Variants in SOCS7 observed in about 807,000 individuals in gnomAD.
The protein encoded by SOCS7 is NAP-4.
A neutral mutation model predicts 58.9 loss-of-function variants in SOCS7; 18 were observed. That is an observed-to-expected ratio of 0.31 (90% confidence interval 0.21 to 0.45). SOCS7 has a LOEUF of 0.45. Ranked by LOEUF, SOCS7 falls within the 20% of genes least tolerant of loss-of-function variation. The probability of loss-of-function intolerance (pLI) is 1.00; values close to 1 mark genes in which losing one functional copy is unlikely to be tolerated. For missense variants in SOCS7, 667 were observed against 837.3 expected, an observed-to-expected ratio of 0.80 and a Z score of 2.51; for synonymous variants, 388 against 364.3, an observed-to-expected ratio of 1.06 and a Z score of -0.74.
intron 7 of SOCS7, among the ~76,000 whole-genome samples, chr17:38,379,434 G>T (rs1178632448): frequency 6.6e-6 from 1 of 151,944 alleles, no homozygotes; most frequent in African/African-American, 2.4e-5. Context: ...AGCTGAGATT[G>T]CGCCATTGCA....
rs1269515665 is a variant in SOCS7 at position 38,387,133 on chromosome 17, G to GTGTATATATATATA, written c.1682-8175_1682-8174insGTATATATATATAT. ...TATATATATATATATATATATGTAT[G>GTGTATATATATATA]TATATATATATATATATATGATTAA... On this transcript the variant is annotated intron_variant, in intron 7 of 9. Coordinates refer to ENST00000612932, the MANE Select transcript of SOCS7 (RefSeq NM_014598.4). Among the ~76,000 whole-genome samples the GTGTATATATATATA allele has an allele frequency of 1.5e-4, 11 of 73,482 alleles. 2 individuals are homozygous for GTGTATATATATATA. The highest frequency in any genetic ancestry group is 7.7e-4 in the African/African-American group (11 of 14,280). The allele number at this position is 73,482 out of a possible 152,430, so 48.2% of individuals were successfully genotyped here. A position where few individuals can be genotyped will look rare whatever the true frequency, so the allele number is the denominator to read the frequency against.
At chr17:38,396,065 C>A in intron 9 of SOCS7, 67 bp downstream of exon 9, 2 of 1,324,034 alleles carry the variant, frequency 1.5e-6, no homozygotes, top group Non-Finnish European at 2.0e-6. Context: ...TGCATTGAGC[C>A]TTGGGCCCCC....
rs1396877702 is a variant in SOCS7 at position 38,352,305 on chromosome 17, C to G, written c.253C>G (p.Pro85Ala). ...GGAGGACGTGGAGGCGGCCCCGGAGCCGGGACCCTCGGAACTGCTGTGTCC... is the reference window on the plus strand; with the variant it reads ...GGAGGACGTGGAGGCGGCCCCGGAGGCGGGACCCTCGGAACTGCTGTGTCC... ...EEEDVEAAPE[P>A]GPSELLCPRH... is the part of the protein sequence containing the mutation. Residue 85 changes from proline to alanine, a missense_variant, in exon 1 of 10, where the codon CCG becomes GCG. By Grantham distance (27) the Pro-to-Ala change is conservative (BLOSUM62 -1). Coordinates refer to ENST00000612932, the MANE Select transcript of SOCS7 (RefSeq NM_014598.4). The surrounding 1 kb of genome is among the most constrained non-coding windows in gnomAD (Gnocchi z 5.5). The G allele has an allele frequency of 1.5e-5, 23 of 1,486,804 alleles. 1 individual carries two copies. Among genetic ancestry groups the G allele is most frequent in the Non-Finnish European group, 2.0e-5 (23 of 1,128,830 alleles). 92.1% of individuals were successfully genotyped at this position (1,486,804 alleles called of 1,614,324 possible).
At chr17:38,389,325 G>T (rs1472659244) in intron 7 of SOCS7, among the ~76,000 whole-genome samples, 1 of 152,184 alleles carries the variant, frequency 6.6e-6, no homozygotes, top group Non-Finnish European at 1.5e-5. Context: ...GGAGGCCAGG[G>T]CAGGAGGATT....
At chr17:38,389,742 G>A (rs2038125888) in intron 7 of SOCS7, among the ~76,000 whole-genome samples, 1 of 145,232 alleles carries the variant, frequency 6.9e-6, no homozygotes, top group Non-Finnish European at 1.5e-5. Context: ...CTAACCAAAG[G>A]TGATGGAGCT....
chr17:38,362,152 A>T (rs1199349077), intron 2 of SOCS7, among the ~76,000 whole-genome samples: 1 of 152,200 alleles, frequency 6.6e-6, no homozygotes, highest in Admixed American at 6.5e-5. Flanking sequence ...AAGGGAGTTC[A>T]TGGGTTATCT....
chr17:38,365,399 C>G lies in SOCS7; in HGVS notation c.1242C>G (p.Pro414=), dbSNP rs769962522. Residue 414 remains proline, a synonymous_variant, in exon 4 of 10, where the codon CCC becomes CCG. Transcript: ENST00000612932. ...QSFPLPPPPP[P]HAPDAFPRIA... is the part of the protein sequence containing the mutation. ...TCCCCCTACCTCCGCCTCCTCCACC[C>G]CATGCCCCAGGTTAGCTTAGTTTAG... 6.2e-7 allele frequency: 1 copy of G among 1,610,434 alleles called. No homozygotes were observed. Among genetic ancestry groups the G allele is most frequent in the South Asian group, 1.1e-5 (1 of 90,502 alleles).
intron 2 of SOCS7, among the ~76,000 whole-genome samples, chr17:38,363,837 A>T (rs1282927048): frequency 2.0e-5 from 3 of 152,172 alleles, no homozygotes; most frequent in African/African-American, 7.2e-5. Flanking sequence ...GTTGGAAGGA[A>T]CACCGTAAGG....
rs1186792590 is a variant in SOCS7 at position 38,405,266 on chromosome 17, TAAAC to T, written c.*5788_*5791del. The T allele has an allele frequency of 1.3e-5, 2 of 151,936 alleles. No homozygotes were observed. The highest frequency in any genetic ancestry group is 2.9e-5 in the Non-Finnish European group (2 of 67,970). 9.4% of individuals were successfully genotyped at this position (151,936 alleles called of 1,614,324 possible). On this transcript the variant is annotated 3_prime_UTR_variant, in exon 10 of 10. Coordinates refer to ENST00000612932, the MANE Select transcript of SOCS7 (RefSeq NM_014598.4). ...GGGGAAAGGGAAAGAGGTTTTGATA[TAAAC>T]AAAACAAATGCACTTTGGGTGTGTT...
At chr17:38,387,408 C>G (rs1046905416) in intron 7 of SOCS7, among the ~76,000 whole-genome samples, 133 of 145,846 alleles carry the variant, frequency 9.1e-4, no homozygotes, top group African/African-American at 3.2e-3. Context: ...GATCACCCCA[C>G]TGCACTCCAG....
intron 6 of SOCS7, among the ~76,000 whole-genome samples, chr17:38,374,537 C>G (rs1357587698): frequency 1.3e-5 from 2 of 152,116 alleles, no homozygotes; most frequent in Admixed American, 6.6e-5. Flanking sequence ...CCATCAAGCC[C>G]AAAACAATAA....
In SOCS7 at chr17:38,400,751, C is replaced by A. The variant is rs2038308011; in HGVS notation, c.*1269C>A. On this transcript the variant is annotated 3_prime_UTR_variant, in exon 10 of 10. Coordinates refer to ENST00000612932, the MANE Select transcript of SOCS7 (RefSeq NM_014598.4). The stretch of plus-strand genomic sequence containing the variant: ...CACTCACTGGAAAGTCTGCCAGATG[C>A]CGATTTGAGAGCTGCCTGTCCCTGC... The A allele has an allele frequency of 6.6e-6, 1 of 152,176 alleles. No homozygotes were observed. The highest frequency in any genetic ancestry group is 2.4e-5 in the African/African-American group (1 of 41,424). 9.4% of individuals were successfully genotyped at this position (152,176 alleles called of 1,614,324 possible). A position where few individuals can be genotyped will look rare whatever the true frequency, so the allele number is the denominator to read the frequency against.
chr17:38,397,653 A>T (rs191511831), intron 9 of SOCS7, among the ~76,000 whole-genome samples: 41 of 152,368 alleles, frequency 2.7e-4, no homozygotes, highest in Admixed American at 1.5e-3. Flanking sequence ...CATTCAGCAG[A>T]TAGCTGTATA....
rs769415677 is a variant in SOCS7, at chr17:38,361,782, G to A, written c.1045+7G>A. The A allele has an allele frequency of 5.6e-6, 9 of 1,600,366 alleles. No homozygotes were observed. In the Admixed American group the frequency reaches 8.6e-5, roughly 15 times the overall value. On this transcript the variant is annotated splice_region_variant and intron_variant, in intron 2 of 9. Transcript: ENST00000612932. ...TTCAGCCCCCTGTTCACAGGTAAGGGTAATATCTTTCTCTCTTCTGACATC... is the reference window on the plus strand; with the variant it reads ...TTCAGCCCCCTGTTCACAGGTAAGGATAATATCTTTCTCTCTTCTGACATC...
rs1264225060 is a variant in SOCS7, at chr17:38,400,495, ATG to A, written c.*1016_*1017del. On this transcript the variant is annotated 3_prime_UTR_variant, in exon 10 of 10. Coordinates refer to ENST00000612932, the MANE Select transcript of SOCS7 (RefSeq NM_014598.4). ...TGTGCCTGTCAGCTTGTGAGGGGGA[ATG>A]TGGAGGAAGGTGAGAAATACAGCTC... The A allele has an allele frequency of 3.3e-5, 5 of 152,204 alleles. No homozygotes were observed. Among genetic ancestry groups the A allele is most frequent in the Admixed American group, 1.3e-4 (2 of 15,272 alleles). 9.4% of individuals were successfully genotyped at this position (152,204 alleles called of 1,614,324 possible). A position where few individuals can be genotyped will look rare whatever the true frequency, so the allele number is the denominator to read the frequency against.
chr17:38,384,073 C>G (rs1207852827), intron 7 of SOCS7, among the ~76,000 whole-genome samples: 1 of 151,972 alleles, frequency 6.6e-6, no homozygotes, highest in African/African-American at 2.4e-5. Flanking sequence ...GCTGCATGAC[C>G]CCCTTTAGCA....
intron 7 of SOCS7, among the ~76,000 whole-genome samples, chr17:38,390,676 C>CTTCCTTCT (rs1555571156): frequency 2.3e-5 from 3 of 127,786 alleles, no homozygotes; most frequent in Non-Finnish European, 3.4e-5. Flanking sequence ...TCCTTCCTTC[C>CTTCCTTCT]TTCCTTCCTT....
Position 38,365,912 on chromosome 17 carries a change from C to T in SOCS7, c.1253-375C>T, listed in dbSNP as rs1597689680. ...CTACTTGCCTGGCAAAATCATTACT[C>T]TTCCTGGGCAAGTAAGCGAGTCACT... On this transcript the variant is annotated intron_variant, in intron 4 of 9. Transcript: ENST00000612932. 4 of 904,158 alleles carry T rather than the reference C, an allele frequency of 4.4e-6. No homozygotes were observed. The East Asian group carries it at 3.6e-4, about 81-fold the overall frequency. 56.0% of individuals were successfully genotyped at this position (904,158 alleles called of 1,614,324 possible).
In SOCS7 at chr17:38,369,795, G is replaced by GT. The variant is rs929109311; in HGVS notation, c.1552+1758dup. On this transcript the variant is annotated intron_variant, in intron 6 of 9. Coordinates refer to ENST00000612932, the MANE Select transcript of SOCS7 (RefSeq NM_014598.4). ...GGTTCAAGCAATTCTTTTTTTGTTT[G>GT]TTTTTTTTTTTTTGAGACAGAGTTT... Among the ~76,000 whole-genome samples, 547 of 127,874 alleles carry GT rather than the reference G, an allele frequency of 4.3e-3. 1 individual carries two copies. Among genetic ancestry groups the GT allele is most frequent in the East Asian group, 0.01 (45 of 4,394 alleles). 83.9% of individuals were successfully genotyped at this position (127,874 alleles called of 152,430 possible). A position where few individuals can be genotyped will look rare whatever the true frequency, so the allele number is the denominator to read the frequency against.
Sources: gnomAD v4.1 joint callset for allele counts (sites outside exome capture counted in the v4.1 genomes callset) on GRCh38, gnomAD v4.1.1 for gene constraint, Gnocchi (gnomAD v3.1) non-coding constraint, MANE v1.5 for transcripts, NCBI Gene and HGNC (gene_info 2026-07-23, HGNC 2026-07-21) for gene names.